The following AFF3 variants were observed in gnomAD, a reference collection of about 807,000 sequenced individuals.
AFF3 encodes ALF transcription elongation factor 3, also known as AF4/FMR2 family member 3.
In AFF3, 32 loss-of-function variants were observed where a neutral mutation model predicts 129.7. That is an observed-to-expected ratio of 0.25 (90% CI 0.19 to 0.33). The LOEUF (loss-of-function observed/expected upper bound fraction) is 0.33. Among genes scored for constraint, AFF3 ranks in the 10% least tolerant of loss-of-function variants. The probability of loss-of-function intolerance (pLI) is 1.00; values close to 1 mark genes in which losing one functional copy is unlikely to be tolerated. For missense variants in AFF3, 1,373 were observed against 1,592.0 expected, an observed-to-expected ratio of 0.86 and a Z score of 2.34; for synonymous variants, 644 against 635.4, an observed-to-expected ratio of 1.01 and a Z score of -0.20.
intron 8 of AFF3, among the ~76,000 whole-genome samples, chr2:99,796,388 T>C (rs1685560347): frequency 6.6e-6 from 1 of 152,216 alleles, no homozygotes; most frequent in East Asian, 1.9e-4. Context: ...GAAAATAGAT[T>C]TTAACTCAAA....
At chr2:99,624,026 C>T (rs997881541) in intron 13 of AFF3, among the ~76,000 whole-genome samples, 28 of 152,220 alleles carry the variant, frequency 1.8e-4, no homozygotes, top group African/African-American at 5.8e-4. Flanking sequence ...AGGCCATCGG[C>T]GTACAGGGCC....
intron 7 of AFF3, among the ~76,000 whole-genome samples, chr2:99,932,092 G>C (rs749625235): frequency 3.9e-5 from 6 of 152,190 alleles, no homozygotes; most frequent in Non-Finnish European, 5.9e-5. Flanking sequence ...ATATATGATG[G>C]TATAGATCAA....
intron 7 of AFF3, among the ~76,000 whole-genome samples, chr2:99,947,887 C>T (rs970729071): frequency 1.5e-4 from 23 of 151,972 alleles, no homozygotes; most frequent in Non-Finnish European, 2.9e-5. Flanking sequence ...TTTTTCTCAG[C>T]GCTGGAATAA....
At chr2:99,900,310 C>A (rs1322209744) in intron 7 of AFF3, among the ~76,000 whole-genome samples, 1 of 152,200 alleles carries the variant, frequency 6.6e-6, no homozygotes, top group Non-Finnish European at 1.5e-5. Context: ...GAACGCACAG[C>A]TTTCAGGATG....
At chr2:99,602,952 C>T (rs1679977983) in intron 13 of AFF3, among the ~76,000 whole-genome samples, 1 of 152,154 alleles carries the variant, frequency 6.6e-6, no homozygotes, top group South Asian at 2.1e-4. Flanking sequence ...ATAAAAGCAC[C>T]TCTTGGAACG....
At chr2:99,709,595 T>C (rs1305133103) in intron 11 of AFF3, among the ~76,000 whole-genome samples, 1 of 152,236 alleles carries the variant, frequency 6.6e-6, no homozygotes, top group African/African-American at 2.4e-5. Flanking sequence ...TTTATGTATT[T>C]ACTCATTAAA....
At chr2:99,963,580 C>T (rs1292781641) in intron 7 of AFF3, among the ~76,000 whole-genome samples, 1 of 151,514 alleles carries the variant, frequency 6.6e-6, no homozygotes, top group Admixed American at 6.6e-5. Flanking sequence ...TATTATCATA[C>T]CTAGAGATAC....
At chr2:99,952,035 C>G (rs184919899) in intron 7 of AFF3, among the ~76,000 whole-genome samples, 1 of 152,182 alleles carries the variant, frequency 6.6e-6, no homozygotes, top group Non-Finnish European at 1.5e-5. Context: ...GGTTTGGTTA[C>G]TCTCCCTTTA....
At chr2:99,834,646 T>C (rs773811582) in intron 8 of AFF3, among the ~76,000 whole-genome samples, 4 of 152,166 alleles carry the variant, frequency 2.6e-5, no homozygotes, top group Non-Finnish European at 5.9e-5. Context: ...CATTGTGTGG[T>C]TTTAGATCCT....
chr2:99,889,647 C>A (rs544050368), intron 7 of AFF3, among the ~76,000 whole-genome samples: 2 of 152,204 alleles, frequency 1.3e-5, no homozygotes, highest in South Asian at 4.1e-4. Flanking sequence ...ACACTCAACC[C>A]CGGAGCCCTG....
intron 2 of AFF3, among the ~76,000 whole-genome samples, chr2:100,120,507 CCTGTAGCCAAAAGG>C (rs1375265863): frequency 6.7e-6 from 1 of 148,502 alleles, no homozygotes; most frequent in Non-Finnish European, 1.5e-5. Flanking sequence ...CAACCAAAAG[CCTGTAGCCAAAAGG>C]CTGAGATCCA....
intron 1 of AFF3, among the ~76,000 whole-genome samples, chr2:100,134,468 A>G (rs887939954): frequency 2.0e-5 from 3 of 152,118 alleles, no homozygotes; most frequent in African/African-American, 7.2e-5. Context: ...CAGGTTTGCC[A>G]TTCATCTTTT....
intron 7 of AFF3, among the ~76,000 whole-genome samples, chr2:99,965,369 G>GGT (rs1207576836): frequency 2.1e-4 from 32 of 152,294 alleles, no homozygotes; most frequent in Non-Finnish European, 2.9e-5. Context: ...TGTTGGTAAG[G>GGT]CATCTGCACC....
intron 7 of AFF3, among the ~76,000 whole-genome samples, chr2:99,852,499 G>C (rs1408843548): frequency 6.6e-6 from 1 of 152,152 alleles, no homozygotes; most frequent in Non-Finnish European, 1.5e-5. Flanking sequence ...GCCTGTGCAA[G>C]AATTCTAGTT....
At chr2:99,598,023 G>A (rs1356770755) in intron 14 of AFF3, among the ~76,000 whole-genome samples, 1 of 152,096 alleles carries the variant, frequency 6.6e-6, no homozygotes, top group African/African-American at 2.4e-5. Flanking sequence ...TTTTAAGAAC[G>A]ATCTAGGGCA....
intron 7 of AFF3, among the ~76,000 whole-genome samples, chr2:99,913,475 T>C (rs1695245878): frequency 6.6e-6 from 1 of 152,204 alleles, no homozygotes; most frequent in Non-Finnish European, 1.5e-5. Flanking sequence ...AGATGATCAA[T>C]ACTGAAGTAG....
At chr2:99,697,013 T>C (rs1280088507) in intron 11 of AFF3, among the ~76,000 whole-genome samples, 1 of 152,210 alleles carries the variant, frequency 6.6e-6, no homozygotes, top group Non-Finnish European at 1.5e-5. Context: ...TTTCCTCTTC[T>C]ATCACCCATT....
At chr2:100,111,210 C>T (rs1691500145) in intron 2 of AFF3, among the ~76,000 whole-genome samples, 1 of 152,218 alleles carries the variant, frequency 6.6e-6, no homozygotes, top group Non-Finnish European at 1.5e-5. Context: ...TTGAATATTG[C>T]AGCTAACCCA....
At chr2:99,794,524 C>T (rs1685428182) in intron 8 of AFF3, among the ~76,000 whole-genome samples, 1 of 151,972 alleles carries the variant, frequency 6.6e-6, no homozygotes, top group Non-Finnish European at 1.5e-5. Flanking sequence ...TCTAGTAGCT[C>T]CATGGCAATT....
Sources: allele counts gnomAD v4.1 joint callset (sites outside exome capture counted in the v4.1 genomes callset), GRCh38; gene constraint gnomAD v4.1.1; transcripts MANE v1.5; gene names NCBI Gene and HGNC (gene_info 2026-07-23, HGNC 2026-07-21).